Variants in BCAT1 observed in about 807,000 individuals in gnomAD.
BCAT1 encodes the protein branched-chain-amino-acid aminotransferase, cytosolic.
In BCAT1, 48 loss-of-function variants were observed where a neutral mutation model predicts 52.4. The observed-to-expected ratio is 0.92, with a 90% CI of 0.73 to 1.16. The LOEUF is 1.16. BCAT1 is among the 50% of genes most tolerant of loss of function. BCAT1 has a pLI of 0.00. For synonymous variants in BCAT1, 167 were observed against 161.3 expected, an observed-to-expected ratio of 1.04 and a Z score of -0.27; for missense variants, 451 against 457.1, an observed-to-expected ratio of 0.99 and a Z score of 0.12.
intron 10 of BCAT1, among the ~76,000 whole-genome samples, chr12:24,823,534 C>G (rs1940240778): frequency 6.6e-6 from 1 of 152,162 alleles, no homozygotes; most frequent in South Asian, 2.1e-4. Flanking sequence ...TGTCCCCACC[C>G]AAATCTCATG....
At chr12:24,903,096 G>A (rs1262911221) in intron 1 of BCAT1, 17 of 1,358,188 alleles carry the variant, frequency 1.3e-5, no homozygotes, top group Non-Finnish European at 1.6e-5. Context: ...GGCCCATAGG[G>A]CGCTGGGTAC....
intron 1 of BCAT1, among the ~76,000 whole-genome samples, chr12:24,941,915 A>G (rs1295902555): frequency 2.6e-5 from 4 of 152,206 alleles, no homozygotes; most frequent in African/African-American, 9.6e-5. Flanking sequence ...ATGCAAATAT[A>G]AGAACACATT....
At chr12:24,891,337 C>G (rs147295750) in intron 3 of BCAT1, among the ~76,000 whole-genome samples, 44 of 152,172 alleles carry the variant, frequency 2.9e-4, no homozygotes, top group African/African-American at 1.0e-3. Flanking sequence ...AATTATGAAG[C>G]ATTAGCATGC....
chr12:24,903,061 G>A, intron 1 of BCAT1: 1 of 1,393,438 alleles, frequency 7.2e-7, no homozygotes, highest in Non-Finnish European at 9.2e-7. Flanking sequence ...GCGAAAGCAG[G>A]CGGTGTGGCC....
chr12:24,902,868 G>T, intron 1 of BCAT1: 1 of 1,502,284 alleles, frequency 6.7e-7, no homozygotes, highest in Non-Finnish European at 8.9e-7. Flanking sequence ...CGGCGACAAG[G>T]CGCCCGGCCA....
At chr12:24,911,628 A>G (rs1943328048) in intron 1 of BCAT1, among the ~76,000 whole-genome samples, 1 of 152,126 alleles carries the variant, frequency 6.6e-6, no homozygotes, top group Non-Finnish European at 1.5e-5. Context: ...TCACTCTGCG[A>G]GCAGACAAAG....
intron 5 of BCAT1, among the ~76,000 whole-genome samples, chr12:24,859,159 G>T (rs1054327103): frequency 1.3e-5 from 2 of 152,166 alleles, no homozygotes; most frequent in African/African-American, 2.4e-5. Flanking sequence ...AATTGGATTT[G>T]ACATTCATTA....
At chr12:24,836,805 A>AGAAGGAAGGAAG (rs1009441544) in intron 7 of BCAT1, among the ~76,000 whole-genome samples, 1 of 140,886 alleles carries the variant, frequency 7.1e-6, no homozygotes, top group Non-Finnish European at 1.6e-5. Flanking sequence ...AAGGAAGGAA[A>AGAAGGAAGGAAG]GAAGGAAGGA....
At chr12:24,908,321 G>A (rs890279553) in intron 1 of BCAT1, among the ~76,000 whole-genome samples, 25 of 152,228 alleles carry the variant, frequency 1.6e-4, no homozygotes, top group African/African-American at 5.8e-4. Flanking sequence ...TGTGCTGATG[G>A]AAACGTTCTA....
chr12:24,839,999 G>A (rs983090205), intron 7 of BCAT1, among the ~76,000 whole-genome samples: 6 of 152,136 alleles, frequency 3.9e-5, no homozygotes, highest in African/African-American at 1.4e-4. Context: ...TCCCCAAAGT[G>A]AAGGAGTATA....
At chr12:24,898,191 C>T (rs146572045) in intron 2 of BCAT1, among the ~76,000 whole-genome samples, 123 of 152,198 alleles carry the variant, frequency 8.1e-4, no homozygotes, top group African/African-American at 2.9e-3. Flanking sequence ...TTCTAGATTT[C>T]CTTTCCAAAG....
At position 24,948,525 on chromosome 12, in the gene BCAT1, T is replaced by C. The variant is rs143436695; in HGVS notation, c.6+402A>G. ...TCCCTCCTGCATCACGAACACACGC[T>C]GCAGGAAAGCGCATTTACAGCCCGG... On this transcript the variant is annotated intron_variant, in intron 1 of 10. Transcript: ENST00000261192. Among the ~76,000 whole-genome samples, 910 of 152,330 alleles carry C rather than the reference T, an allele frequency of 6.0e-3. 10 individuals carry two copies. Among genetic ancestry groups the C allele is most frequent in the African/African-American group, 0.021 (857 of 41,556 alleles).
At chr12:24,869,809 C>G (rs1263815174) in intron 5 of BCAT1, among the ~76,000 whole-genome samples, 1 of 152,206 alleles carries the variant, frequency 6.6e-6, no homozygotes. Context: ...ACCCATCATG[C>G]TCTCATCTTA....
At chr12:24,872,126 A>G (rs1161495814) in intron 5 of BCAT1, among the ~76,000 whole-genome samples, 1 of 152,252 alleles carries the variant, frequency 6.6e-6, no homozygotes, top group Non-Finnish European at 1.5e-5. Flanking sequence ...AAAGATGATC[A>G]GATGTATAAG....
rs1439395808 is a variant in BCAT1 at position 24,811,196 on chromosome 12, G to A, written c.*6812C>T. On this transcript the variant is annotated 3_prime_UTR_variant, in exon 11 of 11. Transcript: ENST00000261192. ...TATTGAATCTCTATCCAGTGGTGTG[G>A]TTTCTGGTCTTTCTGGTGTGCTCAA... is the stretch of plus-strand genomic sequence containing the variant. 6.6e-6 allele frequency: 1 copy of A among 152,110 alleles called. No individual in the cohort carries two copies. Among genetic ancestry groups the A allele is most frequent in the Non-Finnish European group, 1.5e-5 (1 of 68,010 alleles). 9.4% of individuals were successfully genotyped at this position (152,110 alleles called of 1,614,324 possible).
chr12:24,887,025 T>G (rs1441283581), intron 3 of BCAT1, among the ~76,000 whole-genome samples: 3 of 122,788 alleles, frequency 2.4e-5, no homozygotes, highest in Non-Finnish European at 3.2e-5. Context: ...ATCACACCAC[T>G]GCTCTCCAGC....
At chr12:24,933,821 C>A (rs1943714162) in intron 1 of BCAT1, among the ~76,000 whole-genome samples, 1 of 152,162 alleles carries the variant, frequency 6.6e-6, no homozygotes, top group Non-Finnish European at 1.5e-5. Flanking sequence ...GTGGCGAATG[C>A]ACCAGATTTT....
chr12:24,843,449 A>G (rs1168795706), intron 6 of BCAT1, among the ~76,000 whole-genome samples: 1 of 152,072 alleles, frequency 6.6e-6, no homozygotes, highest in African/African-American at 2.4e-5. Flanking sequence ...CTGAAAATAC[A>G]AGAATTAGCT....
intron 1 of BCAT1, among the ~76,000 whole-genome samples, chr12:24,935,627 T>A (rs2139751343): frequency 6.6e-6 from 1 of 152,324 alleles, no homozygotes; most frequent in South Asian, 2.1e-4. Context: ...AGTCATCATG[T>A]CTTTGTTCCT....
Sources: allele counts gnomAD v4.1 joint callset (sites outside exome capture counted in the v4.1 genomes callset), GRCh38; gene constraint gnomAD v4.1.1; transcripts MANE v1.5; gene names NCBI Gene and HGNC (gene_info 2026-07-23, HGNC 2026-07-21).